Variants in POU6F2 observed in about 807,000 individuals in gnomAD.
POU6F2 encodes POU domain, class 6, transcription factor 2.
Under a neutral mutation model 71.3 loss-of-function variants are expected in POU6F2, and 31 were observed. That is an observed-to-expected ratio of 0.43 (90% CI 0.33 to 0.59). The LOEUF is 0.59. POU6F2 is among the 20% of genes least tolerant of loss of function. POU6F2 has a pLI of 0.04. For missense variants in POU6F2, 783 were observed against 856.8 expected (o/e 0.91, Z 1.07); for synonymous variants, 347 against 355.7 (o/e 0.98, Z 0.27).
intron 2 of POU6F2, among the ~76,000 whole-genome samples, chr7:39,144,119 C>A (rs767509916): frequency 2.0e-5 from 3 of 152,148 alleles, no homozygotes; most frequent in Middle Eastern, 3.4e-3. Flanking sequence ...ACTGAGAATA[C>A]GAAATTGAAC....
chr7:39,271,297 G>A (rs1784334404), intron 4 of POU6F2, among the ~76,000 whole-genome samples: 1 of 152,150 alleles, frequency 6.6e-6, no homozygotes, highest in Non-Finnish European at 1.5e-5. Context: ...TTGGCTGTTT[G>A]TGGGCTGTTG....
chr7:39,066,602 T>C (rs1428929930), intron 1 of POU6F2, among the ~76,000 whole-genome samples: 2 of 151,540 alleles, frequency 1.3e-5, no homozygotes, highest in East Asian at 3.8e-4. Flanking sequence ...CAAAAATGTC[T>C]GTAGCAGGTA....
intron 4 of POU6F2, among the ~76,000 whole-genome samples, chr7:39,232,578 C>T (rs1182281243): frequency 6.6e-6 from 1 of 152,164 alleles, no homozygotes; most frequent in Non-Finnish European, 1.5e-5. Context: ...TATTCAAATA[C>T]TTACTAAATT....
At chr7:39,051,637 G>A (rs576999640) in intron 1 of POU6F2, among the ~76,000 whole-genome samples, 53 of 152,222 alleles carry the variant, frequency 3.5e-4, no homozygotes, top group Admixed American at 1.5e-3. Flanking sequence ...GAGACTTTTA[G>A]AGAAGATGTT....
chr7:39,061,914 CATT>C (rs1790664511), intron 1 of POU6F2, among the ~76,000 whole-genome samples: 1 of 152,178 alleles, frequency 6.6e-6, no homozygotes, highest in Non-Finnish European at 1.5e-5. Flanking sequence ...TTGAAACAAT[CATT>C]ATATTTCAGT....
chr7:39,117,535 C>T (rs1791956809), intron 2 of POU6F2, among the ~76,000 whole-genome samples: 1 of 152,122 alleles, frequency 6.6e-6, no homozygotes. Flanking sequence ...CTGAACAAGA[C>T]AGTTCAGCAA....
chr7:39,277,129 A>C (rs985468869), intron 4 of POU6F2, among the ~76,000 whole-genome samples: 35 of 152,328 alleles, frequency 2.3e-4, no homozygotes, highest in African/African-American at 7.9e-4. Context: ...TTGTAAAAAC[A>C]ATAGCTAAGA....
At chr7:39,098,293 TC>T (rs1260621689) in intron 2 of POU6F2, among the ~76,000 whole-genome samples, 1 of 152,144 alleles carries the variant, frequency 6.6e-6, no homozygotes, top group Non-Finnish European at 1.5e-5. Context: ...TTATTATTTT[TC>T]TGAGACAAGG....
chr7:39,385,100 A>AGTG, intron 5 of POU6F2, among the ~76,000 whole-genome samples: 1 of 152,238 alleles, frequency 6.6e-6, no homozygotes, highest in Non-Finnish European at 1.5e-5. Context: ...TACAAACACC[A>AGTG]AAATCCATGC....
At chr7:39,387,106 G>C (rs78554610) in intron 5 of POU6F2, among the ~76,000 whole-genome samples, 2,902 of 152,352 alleles carry the variant, frequency 0.019, 78 homozygotes, top group East Asian at 0.1. Flanking sequence ...CAGGAAGACA[G>C]TGGACCCAAC....
At position 38,983,677 on chromosome 7, in the gene POU6F2, T is replaced by C. The variant is rs188118892; in HGVS notation, c.105+5619T>C. ...CCAGTTCCACAATGTGAGCCAATTG[T>C]GGTGAATATTGCTTAATTTTTACTG... is the stretch of plus-strand genomic sequence containing the variant. On this transcript the variant is annotated intron_variant, in intron 1 of 9. Coordinates refer to ENST00000518318, the MANE Select transcript of POU6F2 (RefSeq NM_001370959.1). Among the ~76,000 whole-genome samples, 24 of 152,236 alleles carry C rather than the reference T, an allele frequency of 1.6e-4. 1 individual carries two copies. The East Asian group carries it at 4.4e-3, about 28-fold the overall frequency.
chr7:39,080,294 T>G (rs1791090490), intron 1 of POU6F2, among the ~76,000 whole-genome samples: 1 of 152,208 alleles, frequency 6.6e-6, no homozygotes, highest in Non-Finnish European at 1.5e-5. Context: ...TTTTTCTTCA[T>G]GACTAAGGTA....
At chr7:39,287,920 G>A (rs1277823385) in intron 4 of POU6F2, among the ~76,000 whole-genome samples, 1 of 152,160 alleles carries the variant, frequency 6.6e-6, no homozygotes, top group Admixed American at 6.5e-5. Flanking sequence ...TGCTCAGGGG[G>A]GCTTTCTGGC....
intron 8 of POU6F2, among the ~76,000 whole-genome samples, chr7:39,455,057 C>A (rs1788769049): frequency 6.6e-6 from 1 of 152,090 alleles, no homozygotes; most frequent in Admixed American, 6.5e-5. Context: ...TTGTGTTAAA[C>A]CTTGCTCAGT....
At chr7:39,314,821 G>A (rs954870188) in intron 4 of POU6F2, among the ~76,000 whole-genome samples, 2 of 152,084 alleles carry the variant, frequency 1.3e-5, no homozygotes, top group African/African-American at 4.8e-5. Context: ...TAGTTCTTTA[G>A]AAATGTACCT....
chr7:39,271,103 A>G lies in POU6F2; in HGVS notation c.598+63483A>G, dbSNP rs575476375. ...AACCACGACCAGCAGCCCTAGATCC[A>G]GGTCCCCACCTATTATTGTATACCT... On this transcript the variant is annotated intron_variant, in intron 4 of 9. Transcript: ENST00000518318. 4.6e-5 allele frequency among the ~76,000 whole-genome samples: 7 copies of G among 152,322 alleles called. No homozygotes were observed. In the East Asian group the frequency reaches 9.6e-4, roughly 21 times the overall value.
chr7:39,015,700 T>TATAGATATATAACATATAGATATA (rs1554308029), intron 1 of POU6F2, among the ~76,000 whole-genome samples: 3 of 84,486 alleles, frequency 3.6e-5, no homozygotes, highest in South Asian at 3.5e-4. Context: ...CTATATATTA[T>TATAGATATATAACATATAGATATA]ATATATCTAT....
intron 5 of POU6F2, 106 bp from the exon 6 acceptor site, chr7:39,406,494 A>T: frequency 7.3e-7 from 1 of 1,375,028 alleles, no homozygotes; most frequent in Non-Finnish European, 9.9e-7. Context: ...GGCCCTTTGC[A>T]TGAGCGAATT....
intron 4 of POU6F2, among the ~76,000 whole-genome samples, chr7:39,267,270 T>C (rs1319256342): frequency 2.6e-5 from 4 of 152,228 alleles, no homozygotes; most frequent in African/African-American, 9.6e-5. Flanking sequence ...GCAAATGGGA[T>C]TGGGCTCTTG....
Sources: gnomAD v4.1 joint callset for allele counts (sites outside exome capture counted in the v4.1 genomes callset) on GRCh38, gnomAD v4.1.1 for gene constraint, MANE v1.5 for transcripts, NCBI Gene and HGNC (gene_info 2026-07-23, HGNC 2026-07-21) for gene names.